Variants in CSMD2 observed in about 807,000 individuals in gnomAD.
The protein encoded by CSMD2 is CUB and sushi domain-containing protein 2.
CSMD2 carries 130 observed loss-of-function variants against 398.5 expected under a neutral mutation model. That is an observed-to-expected ratio of 0.33 (90% CI 0.28 to 0.38). The LOEUF (loss-of-function observed/expected upper bound fraction) is 0.38. CSMD2 is among the 10% of genes least tolerant of loss of function. The pLI is 1.00. For synonymous variants in CSMD2, 1,828 were observed against 1,908.5 expected, an observed-to-expected ratio of 0.96 and a Z score of 1.10; for missense variants, 3,829 against 4,764.9, an observed-to-expected ratio of 0.80 and a Z score of 5.78.
intron 32 of CSMD2, among the ~76,000 whole-genome samples, chr1:33,631,373 TAAAAG>T (rs1642457571): frequency 1.3e-5 from 2 of 151,636 alleles, no homozygotes; most frequent in Admixed American, 1.3e-4. Flanking sequence ...TGGAAGAAAA[TAAAAG>T]AAAAGCCACT....
Position 33,858,826 on chromosome 1 carries a change from TTTA to T in CSMD2, c.921-11833_921-11831del, listed in dbSNP as rs149860812. 4.2e-3 allele frequency among the ~76,000 whole-genome samples: 644 copies of T among 152,300 alleles called. 22 individuals carry two copies. In the East Asian group the frequency reaches 0.079, roughly 19 times the overall value. On this transcript the variant is annotated intron_variant, in intron 5 of 70. Transcript: ENST00000373381. ...CACTGCTCCAGCAACTCAACAGCTA[TTTA>T]TTGAGATGGGTGTGTGAGTACATGA... is the stretch of plus-strand genomic sequence containing the variant.
At position 33,641,447 on chromosome 1, in the gene CSMD2, G is replaced by A. The variant is rs902385258; in HGVS notation, c.4775-4893C>T. Among the ~76,000 whole-genome samples the A allele has an allele frequency of 2.6e-5, 4 of 152,300 alleles. No homozygotes were observed. The East Asian group carries it at 5.8e-4, about 22-fold the overall frequency. On this transcript the variant is annotated intron_variant, in intron 29 of 70. Transcript: ENST00000373381. ...CACCCCACTGGTTCTGTTGATATCC[G>A]TGGCCTGGAGAAAGACATAAACCTC...
At chr1:33,539,732 G>T (rs1656153054) in intron 60 of CSMD2, among the ~76,000 whole-genome samples, 2 of 152,230 alleles carry the variant, frequency 1.3e-5, no homozygotes, top group Admixed American at 1.3e-4. Context: ...TTTCTCCAGA[G>T]GAAAAGCAAG....
intron 29 of CSMD2, among the ~76,000 whole-genome samples, chr1:33,637,717 G>A (rs1258834975): frequency 6.6e-6 from 1 of 152,182 alleles, no homozygotes; most frequent in East Asian, 1.9e-4. Flanking sequence ...TGAGCATTTT[G>A]GAGGATACAT....
At chr1:33,688,311 C>T (rs181041843) in intron 25 of CSMD2, among the ~76,000 whole-genome samples, 1 of 152,288 alleles carries the variant, frequency 6.6e-6, no homozygotes, top group Admixed American at 6.5e-5. Flanking sequence ...AGAAAACAAG[C>T]TACTAAGCCA....
chr1:33,849,386 C>T (rs1039912183), intron 5 of CSMD2, among the ~76,000 whole-genome samples: 18 of 152,150 alleles, frequency 1.2e-4, no homozygotes, highest in Non-Finnish European at 2.6e-4. Context: ...GTTGGGCCAT[C>T]AAAGAGGATA....
intron 1 of CSMD2, among the ~76,000 whole-genome samples, chr1:34,132,618 C>G (rs1663477565): frequency 6.6e-6 from 1 of 152,240 alleles, no homozygotes; most frequent in Non-Finnish European, 1.5e-5. Flanking sequence ...TAAAACAGAT[C>G]AACCCTCACC....
intron 2 of CSMD2, among the ~76,000 whole-genome samples, chr1:34,076,354 C>T (rs541108961): frequency 6.6e-6 from 1 of 152,340 alleles, no homozygotes; most frequent in East Asian, 1.9e-4. Context: ...ATGAACCTCT[C>T]AAATCAATCC....
intron 13 of CSMD2, among the ~76,000 whole-genome samples, chr1:33,753,799 C>T (rs192097447): frequency 2.6e-4 from 39 of 152,344 alleles, no homozygotes; most frequent in African/African-American, 7.7e-4. Context: ...GATATGGAGT[C>T]GAGGGTTATG....
At chr1:33,867,090 G>T (rs1230798279) in intron 5 of CSMD2, among the ~76,000 whole-genome samples, 6 of 152,180 alleles carry the variant, frequency 3.9e-5, no homozygotes, top group Admixed American at 3.9e-4. Context: ...ATAGAATGTG[G>T]CAAAGGAGAT....
At chr1:33,934,081 A>G (rs187500213) in intron 4 of CSMD2, among the ~76,000 whole-genome samples, 6 of 152,334 alleles carry the variant, frequency 3.9e-5, no homozygotes, top group Admixed American at 2.6e-4. Flanking sequence ...AATAACAAAA[A>G]GTGTGTGCAT....
intron 5 of CSMD2, among the ~76,000 whole-genome samples, chr1:33,880,720 G>A (rs1641178004): frequency 1.3e-5 from 2 of 152,120 alleles, no homozygotes; most frequent in South Asian, 2.1e-4. Flanking sequence ...CTGTTTAAAG[G>A]GGAAGCAAAG....
chr1:33,516,523 G>A lies in CSMD2; in HGVS notation c.*101C>T. On this transcript the variant is annotated 3_prime_UTR_variant, in exon 71 of 71. Transcript: ENST00000373381. ...CAGGCAAGGAGACGAACGAAGATGG[G>A]CACTGGGCACTGTGCTCAGGGGAGC... 6.6e-6 allele frequency: 1 copy of A among 152,560 alleles called. No individual in the cohort carries two copies. The highest frequency in any genetic ancestry group is 1.5e-5 in the Non-Finnish European group (1 of 68,206). 9.5% of individuals were successfully genotyped at this position (152,560 alleles called of 1,614,324 possible). A position where few individuals can be genotyped will look rare whatever the true frequency, so the allele number is the denominator to read the frequency against.
intron 3 of CSMD2, among the ~76,000 whole-genome samples, chr1:33,952,838 A>G (rs563162359): frequency 2.2e-4 from 33 of 152,332 alleles, no homozygotes; most frequent in African/African-American, 4.1e-4. Flanking sequence ...CAACGACTCT[A>G]TGAATGAATG....
chr1:33,630,832 C>T (rs1396175000), intron 32 of CSMD2, among the ~76,000 whole-genome samples: 1 of 152,008 alleles, frequency 6.6e-6, no homozygotes, highest in African/African-American at 2.4e-5. Flanking sequence ...AAAGAGTAAA[C>T]AACACCATGA....
intron 1 of CSMD2, among the ~76,000 whole-genome samples, chr1:34,155,367 G>C (rs1304047885): frequency 6.6e-6 from 1 of 152,152 alleles, no homozygotes; most frequent in East Asian, 1.9e-4. Context: ...CGAATGCAGG[G>C]AATTTTCCTC....
intron 5 of CSMD2, among the ~76,000 whole-genome samples, chr1:33,857,263 A>C (rs1639166393): frequency 6.6e-6 from 1 of 152,164 alleles, no homozygotes; most frequent in Non-Finnish European, 1.5e-5. Context: ...GCATGTGCCC[A>C]AAAAGCATCA....
chr1:34,124,419 C>G lies in CSMD2; in HGVS notation c.188-35226G>C, dbSNP rs141690223. Among the ~76,000 whole-genome samples, 271 of 152,294 alleles carry G rather than the reference C, an allele frequency of 1.8e-3. 1 individual carries two copies. Among genetic ancestry groups the G allele is most frequent in the African/African-American group, 6.2e-3 (256 of 41,556 alleles). On this transcript the variant is annotated intron_variant, in intron 1 of 70. Transcript: ENST00000373381. ...CCATTTACACTTGTCTTCTGGGAGA[C>G]TGGACAGATATGGGGATAGGGTCTG...
intron 57 of CSMD2, among the ~76,000 whole-genome samples, 182 bp from the exon 58 acceptor site, chr1:33,543,078 C>T (rs1305048064): frequency 6.6e-6 from 1 of 152,200 alleles, no homozygotes; most frequent in Non-Finnish European, 1.5e-5. Flanking sequence ...CCCTATGAAT[C>T]TTTTGAAATT....
Sources: gnomAD v4.1 joint callset for allele counts (sites outside exome capture counted in the v4.1 genomes callset) on GRCh38, gnomAD v4.1.1 for gene constraint, MANE v1.5 for transcripts, NCBI Gene and HGNC (gene_info 2026-07-23, HGNC 2026-07-21) for gene names.